FAR2: variants seen among roughly 807,000 people sequenced by gnomAD.
FAR2 encodes the protein epididymis secretory protein Li 81.
FAR2 carries 19 observed loss-of-function variants against 56.0 expected under a neutral mutation model. That is an observed-to-expected ratio of 0.34 (90% CI 0.24 to 0.50). The LOEUF (loss-of-function observed/expected upper bound fraction) is 0.50. FAR2 is among the 20% of genes least tolerant of loss of function. FAR2 has a pLI of 0.98. For synonymous variants in FAR2, 219 were observed against 218.8 expected (o/e 1.00, Z -0.01); for missense variants, 508 against 642.2 (o/e 0.79, Z 2.26).
chr12:29,232,832 C>CAT (rs1169939047), intron 1 of FAR2, among the ~76,000 whole-genome samples: 1 of 151,860 alleles, frequency 6.6e-6, no homozygotes, highest in Admixed American at 6.6e-5. Context: ...CACACACACA[C>CAT]ACACACACAC....
At chr12:29,318,998 CTTTTTTT>C (rs1291768586) in intron 9 of FAR2, among the ~76,000 whole-genome samples, 1 of 145,530 alleles carries the variant, frequency 6.9e-6, no homozygotes, top group South Asian at 2.2e-4. Flanking sequence ...TTTCTTTTTT[CTTTTTTT>C]TTTGAGATGG....
intron 1 of FAR2, among the ~76,000 whole-genome samples, chr12:29,157,142 A>ATATATATATATG (rs1289279461): frequency 1.6e-4 from 22 of 137,770 alleles, no homozygotes; most frequent in African/African-American, 5.4e-4. Flanking sequence ...ATATATATAT[A>ATATATATATATG]TATGTATCAA....
intron 6 of FAR2, 109 bp from the exon 7 acceptor site, chr12:29,310,919 T>G (rs1391806026): frequency 3.7e-6 from 3 of 801,724 alleles, no homozygotes; most frequent in Non-Finnish European, 6.4e-6. Flanking sequence ...GGATCAATGT[T>G]AGCTGTTTTC....
chr12:29,227,931 T>G (rs1410736684), intron 1 of FAR2, among the ~76,000 whole-genome samples: 1 of 151,462 alleles, frequency 6.6e-6, no homozygotes. Flanking sequence ...TAAGTTCTAA[T>G]GAGAACACTT....
intron 1 of FAR2, among the ~76,000 whole-genome samples, chr12:29,269,456 A>G (rs972393465): frequency 6.6e-6 from 1 of 152,166 alleles, no homozygotes; most frequent in South Asian, 2.1e-4. Context: ...CACATGCTGT[A>G]CAATTTGTGC....
chr12:29,279,993 C>T (rs1480519126), intron 2 of FAR2, among the ~76,000 whole-genome samples: 1 of 151,046 alleles, frequency 6.6e-6, no homozygotes, highest in African/African-American at 2.4e-5. Flanking sequence ...GGCACAATCT[C>T]TGCTCACTGC....
At chr12:29,274,803 T>C (rs1357064876) in intron 2 of FAR2, among the ~76,000 whole-genome samples, 2 of 148,260 alleles carry the variant, frequency 1.3e-5, no homozygotes, top group African/African-American at 5.1e-5. Context: ...CCCTTTTTCC[T>C]TTACCTACCC....
chr12:29,214,333 A>T lies in FAR2; in HGVS notation c.-38-56079A>T, dbSNP rs182690623. 1.5e-3 allele frequency among the ~76,000 whole-genome samples: 225 copies of T among 152,344 alleles called. 1 individual carries two copies. The South Asian group carries it at 0.022, about 15-fold the overall frequency. ...TTACACACTCTAAATGAAGAGAAAAAAATTATTCACTCATTTCTTCATGTT... is the reference window on the plus strand; with the variant it reads ...TTACACACTCTAAATGAAGAGAAAATAATTATTCACTCATTTCTTCATGTT... On this transcript the variant is annotated intron_variant, in intron 1 of 11. Transcript: ENST00000536681.
intron 1 of FAR2, among the ~76,000 whole-genome samples, chr12:29,210,525 A>G (rs1041793294): frequency 2.6e-5 from 4 of 152,274 alleles, no homozygotes; most frequent in African/African-American, 9.6e-5. Flanking sequence ...ATATTTATGT[A>G]TATAAAAACA....
intron 3 of FAR2, 126 bp downstream of exon 3, chr12:29,293,601 C>A: frequency 1.3e-6 from 1 of 796,224 alleles, no homozygotes; most frequent in Non-Finnish European, 1.8e-6. Flanking sequence ...AAAACTCCTC[C>A]AAAATCCCAC....
rs116934768 is a variant in FAR2 at position 29,308,274 on chromosome 12, T to C, written c.723+439T>C. Among the ~76,000 whole-genome samples the C allele has an allele frequency of 3.9e-3, 589 of 152,296 alleles. 3 individuals are homozygous for C. The highest frequency in any genetic ancestry group is 6.4e-3 in the Non-Finnish European group (436 of 68,002). Reference sequence around the variant, plus strand: ...TTTTTTAAACCTCAGTATACTGTCATGACCTTTTGAAAGTACTTTGAATTA... The same window carrying C: ...TTTTTTAAACCTCAGTATACTGTCACGACCTTTTGAAAGTACTTTGAATTA... On this transcript the variant is annotated intron_variant, in intron 5 of 11. Transcript: ENST00000536681.
At chr12:29,262,637 A>ATAAG (rs199890038) in intron 1 of FAR2, among the ~76,000 whole-genome samples, 2 of 152,096 alleles carry the variant, frequency 1.3e-5, no homozygotes, top group Non-Finnish European at 2.9e-5. Context: ...TCTTCAAAAA[A>ATAAG]TAAGTAAGTA....
At chr12:29,296,715 T>C (rs2136757871) in intron 3 of FAR2, among the ~76,000 whole-genome samples, 1 of 152,358 alleles carries the variant, frequency 6.6e-6, no homozygotes, top group African/African-American at 2.4e-5. Flanking sequence ...AATGGCTGCC[T>C]ATAGAAGCAC....
In FAR2 at chr12:29,179,516, T is replaced by C. The variant is rs74360212; in HGVS notation, c.-39+30109T>C. Reference sequence around the variant, plus strand: ...CATTCAACAGAAGACAGAACTGAAATGCAAAGGTGAAAATTCTTTTCAAAG... The same window carrying C: ...CATTCAACAGAAGACAGAACTGAAACGCAAAGGTGAAAATTCTTTTCAAAG... On this transcript the variant is annotated intron_variant, in intron 1 of 11. Coordinates refer to ENST00000536681, the MANE Select transcript of FAR2 (RefSeq NM_001271783.2). Among the ~76,000 whole-genome samples, 457 of 152,256 alleles carry C rather than the reference T, an allele frequency of 3.0e-3. 5 individuals are homozygous for C. The highest frequency in any genetic ancestry group is 0.01 in the African/African-American group (434 of 41,564).
intron 1 of FAR2, among the ~76,000 whole-genome samples, chr12:29,157,783 T>C (rs1183592794): frequency 6.6e-6 from 1 of 152,176 alleles, no homozygotes; most frequent in Non-Finnish European, 1.5e-5. Context: ...GAAATTAGGA[T>C]GGCAATTAAG....
intron 9 of FAR2, among the ~76,000 whole-genome samples, chr12:29,321,565 T>C (rs963718939): frequency 6.6e-5 from 10 of 152,042 alleles, no homozygotes; most frequent in African/African-American, 2.4e-4. Flanking sequence ...AGAAAAGGAG[T>C]CTGGTATTAA....
chr12:29,220,097 C>G (rs906567839), intron 1 of FAR2, among the ~76,000 whole-genome samples: 6 of 152,164 alleles, frequency 3.9e-5, no homozygotes, highest in Non-Finnish European at 7.3e-5. Flanking sequence ...AGTCACAGTA[C>G]TAATTAGAAA....
intron 1 of FAR2, among the ~76,000 whole-genome samples, chr12:29,155,530 A>T (rs1370815450): frequency 6.6e-6 from 1 of 152,210 alleles, no homozygotes; most frequent in Non-Finnish European, 1.5e-5. Flanking sequence ...CCAAGGCTGA[A>T]ATCTGGCCCC....
intron 2 of FAR2, among the ~76,000 whole-genome samples, chr12:29,292,855 A>G (rs768336680): frequency 1.3e-5 from 2 of 152,178 alleles, no homozygotes; most frequent in Non-Finnish European, 2.9e-5. Flanking sequence ...AATGCTTTTG[A>G]CATCTGGGAT....
Sources: allele counts gnomAD v4.1 joint callset (sites outside exome capture counted in the v4.1 genomes callset), GRCh38; gene constraint gnomAD v4.1.1; transcripts MANE v1.5; gene names NCBI Gene and HGNC (gene_info 2026-07-23, HGNC 2026-07-21).